KCNH8: variants seen among roughly 807,000 people sequenced by gnomAD.
KCNH8 encodes the protein potassium voltage-gated channel subfamily H member 8.
In KCNH8, 70 loss-of-function variants were observed where a neutral mutation model predicts 103.6. The ratio of observed to expected loss-of-function variants is 0.68; its 90% CI spans 0.56 to 0.82. KCNH8 has a LOEUF of 0.82. KCNH8 is among the 40% of genes least tolerant of loss of function. KCNH8 has a pLI of 0.00. For missense variants in KCNH8, 1,217 were observed against 1,329.9 expected, an observed-to-expected ratio of 0.92 and a Z score of 1.32; for synonymous variants, 498 against 489.4, an observed-to-expected ratio of 1.02 and a Z score of -0.23.
intron 5 of KCNH8, among the ~76,000 whole-genome samples, chr3:19,353,688 C>T (rs1188627198): frequency 6.6e-6 from 1 of 152,036 alleles, no homozygotes; most frequent in East Asian, 1.9e-4. Context: ...CAGCAGCCCT[C>T]CATGCTAACA....
chr3:19,184,844 T>C (rs989634231), intron 1 of KCNH8, among the ~76,000 whole-genome samples: 2 of 152,004 alleles, frequency 1.3e-5, no homozygotes, highest in Non-Finnish European at 2.9e-5. Context: ...CATCATCTTT[T>C]CTGAATATTT....
chr3:19,420,794 T>C lies in KCNH8; in HGVS notation c.1178-17370T>C, dbSNP rs1367236997. Among the ~76,000 whole-genome samples the C allele has an allele frequency of 3.9e-5, 6 of 152,280 alleles. No individual in the cohort carries two copies. The South Asian group carries it at 1.2e-3, about 32-fold the overall frequency. On this transcript the variant is annotated intron_variant, in intron 7 of 15. Coordinates refer to ENST00000328405, the MANE Select transcript of KCNH8 (RefSeq NM_144633.3). ...ATCCAAAAAATAATACCATGATACA[T>C]CAGGATTCAGAGAGTTAGAGATACT...
chr3:19,491,302 C>A (rs1303019430), intron 11 of KCNH8, among the ~76,000 whole-genome samples: 37 of 152,130 alleles, frequency 2.4e-4, no homozygotes, highest in Admixed American at 2.4e-3. Context: ...TAGTACCCAA[C>A]AAGTAGATTT....
intron 5 of KCNH8, among the ~76,000 whole-genome samples, chr3:19,371,687 T>A (rs1469839819): frequency 6.6e-6 from 1 of 151,220 alleles, no homozygotes; most frequent in Middle Eastern, 3.4e-3. Flanking sequence ...TCCTTGCCCA[T>A]GCCTATGTCC....
chr3:19,495,632 G>A (rs553780109), intron 11 of KCNH8, among the ~76,000 whole-genome samples: 1 of 152,222 alleles, frequency 6.6e-6, no homozygotes, highest in Non-Finnish European at 1.5e-5. Flanking sequence ...TTGAAGTCAG[G>A]TAACATGATA....
intron 7 of KCNH8, among the ~76,000 whole-genome samples, chr3:19,409,131 T>A (rs973148974): frequency 2.0e-5 from 3 of 150,882 alleles, no homozygotes; most frequent in African/African-American, 4.9e-5. Flanking sequence ...AAAGGAAAAA[T>A]TACATACAAA....
At chr3:19,416,158 C>A (rs2066860251) in intron 7 of KCNH8, among the ~76,000 whole-genome samples, 4 of 151,840 alleles carry the variant, frequency 2.6e-5, no homozygotes, top group South Asian at 4.1e-4. Context: ...CATTGGTCAC[C>A]ACAGAATTTG....
At chr3:19,185,534 G>C (rs2063493581) in intron 1 of KCNH8, among the ~76,000 whole-genome samples, 1 of 151,846 alleles carries the variant, frequency 6.6e-6, no homozygotes, top group South Asian at 2.1e-4. Context: ...TGTAGGATTT[G>C]CGTATATTTT....
intron 1 of KCNH8, among the ~76,000 whole-genome samples, chr3:19,183,355 C>T (rs2063474305): frequency 6.6e-6 from 1 of 152,116 alleles, no homozygotes; most frequent in Non-Finnish European, 1.5e-5. Flanking sequence ...TGGAGACCAA[C>T]TCTACCAGAT....
intron 1 of KCNH8, among the ~76,000 whole-genome samples, chr3:19,151,054 T>A (rs931900949): frequency 5.3e-5 from 8 of 152,152 alleles, no homozygotes; most frequent in Non-Finnish European, 1.2e-4. Context: ...ACTTGAATAA[T>A]CTGAAACTTA....
chr3:19,220,384 A>T (rs2063861042), intron 1 of KCNH8, among the ~76,000 whole-genome samples: 1 of 152,214 alleles, frequency 6.6e-6, no homozygotes, highest in Non-Finnish European at 1.5e-5. Flanking sequence ...GTTTCTCCTT[A>T]AACTCATGAA....
chr3:19,210,725 A>C (rs2063762954), intron 1 of KCNH8, among the ~76,000 whole-genome samples: 1 of 152,114 alleles, frequency 6.6e-6, no homozygotes, highest in South Asian at 2.1e-4. Flanking sequence ...CCGGGCTGTC[A>C]CATATGTTCA....
chr3:19,330,372 C>G (rs1252572497), intron 3 of KCNH8, among the ~76,000 whole-genome samples: 1 of 152,106 alleles, frequency 6.6e-6, no homozygotes, highest in African/African-American at 2.4e-5. Flanking sequence ...GTCTATTTTT[C>G]CAACCATATA....
intron 8 of KCNH8, among the ~76,000 whole-genome samples, chr3:19,440,847 G>T (rs1199202645): frequency 6.6e-6 from 1 of 151,952 alleles, no homozygotes. Context: ...AAATCTTTGG[G>T]GTTGGCACTA....
intron 3 of KCNH8, among the ~76,000 whole-genome samples, chr3:19,282,090 T>A (rs1164372196): frequency 1.3e-5 from 2 of 152,142 alleles, no homozygotes; most frequent in Non-Finnish European, 2.9e-5. Flanking sequence ...ATCAGCTACT[T>A]GACATTTCAA....
At chr3:19,373,076 T>C (rs1000331719) in intron 5 of KCNH8, among the ~76,000 whole-genome samples, 1 of 151,972 alleles carries the variant, frequency 6.6e-6, no homozygotes, top group Non-Finnish European at 1.5e-5. Flanking sequence ...AATTCTCTTT[T>C]TTGGTTGTGT....
Position 19,263,625 on chromosome 3 carries a change from A to G in KCNH8, c.310+9738A>G, listed in dbSNP as rs370345455. Among the ~76,000 whole-genome samples, 351 of 152,248 alleles carry G rather than the reference A, an allele frequency of 2.3e-3. 5 individuals are homozygous for G. The highest frequency in any genetic ancestry group is 7.7e-3 in the African/African-American group (321 of 41,572). On this transcript the variant is annotated intron_variant, in intron 2 of 15. Coordinates refer to ENST00000328405, the MANE Select transcript of KCNH8 (RefSeq NM_144633.3). ...CGCTAGTCTGGTAGTCTAGTGTTTC[A>G]TGAACCAGGCAGAAGCTGCAAGAAT...
intron 10 of KCNH8, among the ~76,000 whole-genome samples, chr3:19,454,839 A>T (rs1276209141): frequency 1.3e-5 from 2 of 152,124 alleles, no homozygotes; most frequent in Admixed American, 1.3e-4. Context: ...GACCATTCTA[A>T]ACACTGGTAT....
intron 1 of KCNH8, among the ~76,000 whole-genome samples, chr3:19,225,861 G>T (rs1412731269): frequency 1.3e-5 from 2 of 152,188 alleles, no homozygotes. Flanking sequence ...ACTTGTGAGT[G>T]ATATTTTCCT....
Sources: allele counts gnomAD v4.1 joint callset (sites outside exome capture counted in the v4.1 genomes callset), GRCh38; gene constraint gnomAD v4.1.1; transcripts MANE v1.5; gene names NCBI Gene and HGNC (gene_info 2026-07-23, HGNC 2026-07-21).